Variants in PROSER1 observed in about 807,000 individuals in gnomAD.
The protein encoded by PROSER1 is proline and serine rich 1, also known as proline and serine-rich protein 1.
In PROSER1, 36 loss-of-function variants were observed where a neutral mutation model predicts 71.8. The observed-to-expected ratio is 0.50, with a 90% confidence interval of 0.38 to 0.66. The LOEUF (loss-of-function observed/expected upper bound fraction) is 0.66. Ranked by LOEUF, PROSER1 falls within the 30% of genes least tolerant of loss-of-function variation. PROSER1 has a pLI of 0.00. For missense variants in PROSER1, 1,107 were observed against 1,135.0 expected (o/e 0.98, Z 0.35); for synonymous variants, 490 against 452.4 (o/e 1.08, Z -1.06).
chr13:39,020,855 G>A (rs779371431), intron 9 of PROSER1, among the ~76,000 whole-genome samples: 3 of 152,166 alleles, frequency 2.0e-5, no homozygotes, highest in Non-Finnish European at 2.9e-5. Flanking sequence ...AGGTTGGCCT[G>A]GCAAGTGTTG....
rs555441758 is a variant in PROSER1, at chr13:39,020,385, CCT to C, written c.730+1939_730+1940del. Among the ~76,000 whole-genome samples, 9 of 152,048 alleles carry C rather than the reference CCT, an allele frequency of 5.9e-5. No homozygotes were observed. The South Asian group carries it at 1.9e-3, about 32-fold the overall frequency. ...CTCTCTGTACACACACACACACACC[CCT>C]GTTGTTTTAAGTTGCAGAAAATGAT... On this transcript the variant is annotated intron_variant, in intron 9 of 12. Coordinates refer to ENST00000352251, the MANE Select transcript of PROSER1 (RefSeq NM_025138.5).
At chr13:39,016,575 C>T (rs1397628341) in intron 10 of PROSER1, among the ~76,000 whole-genome samples, 1 of 152,138 alleles carries the variant, frequency 6.6e-6, no homozygotes, top group Admixed American at 6.5e-5. Context: ...CAACAACTAA[C>T]CTGATTACTC....
rs368490081 is a variant in PROSER1, at chr13:39,026,271, G to A, written c.480+6C>T. On this transcript the variant is annotated splice_donor_region_variant and intron_variant, in intron 6 of 12. Coordinates refer to ENST00000352251, the MANE Select transcript of PROSER1 (RefSeq NM_025138.5). Reference sequence around the variant, plus strand: ...GTTTCATATACAGCTACAGAAGTATGCTTACTGGGAAAATTCCATTTATGC... The same window carrying A: ...GTTTCATATACAGCTACAGAAGTATACTTACTGGGAAAATTCCATTTATGC... The A allele has an allele frequency of 3.2e-6, 5 of 1,565,194 alleles. No individual in the cohort carries two copies. In the African/African-American group the frequency reaches 5.4e-5, roughly 17 times the overall value.
At chr13:39,017,006 T>C (rs773964059) in intron 10 of PROSER1, among the ~76,000 whole-genome samples, 1 of 152,256 alleles carries the variant, frequency 6.6e-6, no homozygotes, top group Non-Finnish European at 1.5e-5. Flanking sequence ...GGAGGCACTA[T>C]GTAGGACACA....
rs757767146 is a variant in PROSER1, at chr13:39,013,354, A to G, written c.1898T>C (p.Leu633Ser). The change falls in exon 11 of 13, where the codon TTA (leucine) becomes TCA (serine). Residue 633 changes from leucine (L) to serine (S), a missense_variant. Coordinates refer to ENST00000352251, the MANE Select transcript of PROSER1 (RefSeq NM_025138.5). ...ACGGCCCAATGTCCCTGACAAACCTAAAGTGCCATGAGAGGGATTCCCAGA... is the reference window on the plus strand; with the variant it reads ...ACGGCCCAATGTCCCTGACAAACCTGAAGTGCCATGAGAGGGATTCCCAGA... The part of the protein sequence containing the change: ...SHSGNPSHGT[L>S]GLSGTLGRAY... The G allele has an allele frequency of 2.7e-5, 43 of 1,614,110 alleles. No individual in the cohort carries two copies. In the South Asian group the frequency reaches 3.8e-4, roughly 14 times the overall value.
intron 10 of PROSER1, among the ~76,000 whole-genome samples, chr13:39,016,220 G>T (rs1395442473): frequency 6.6e-6 from 1 of 152,182 alleles, no homozygotes; most frequent in East Asian, 1.9e-4. Context: ...CATCTAATTT[G>T]GTTATTAACC....
intron 9 of PROSER1, among the ~76,000 whole-genome samples, chr13:39,019,049 C>G (rs1453661790): frequency 6.6e-6 from 1 of 152,108 alleles, no homozygotes; most frequent in Non-Finnish European, 1.5e-5. Flanking sequence ...ATTTCTTACA[C>G]GTCATTTTCT....
rs762477554 is a variant in PROSER1 at position 39,012,774 on chromosome 13, T to C, written c.2478A>G (p.Thr826=). The C allele has an allele frequency of 2.5e-6, 4 of 1,614,050 alleles. No individual in the cohort carries two copies. The East Asian group carries it at 8.9e-5, about 36-fold the overall frequency. Residue 826 remains threonine, a synonymous_variant, in exon 11 of 13, where the codon ACA becomes ACG. Coordinates refer to ENST00000352251, the MANE Select transcript of PROSER1 (RefSeq NM_025138.5). ...AAVTPLPVAA[T]APSPAPVLPG... ...GGAGGACTGGAGCTGGGGATGGGGC[T>C]GTGGCAGCCACAGGTAGTGGTGTGA...
chr13:39,014,020 C>T lies in PROSER1; in HGVS notation c.1232G>A (p.Ser411Asn). 2 of 1,614,024 alleles carry T rather than the reference C, an allele frequency of 1.2e-6. No homozygotes were observed. The highest frequency in any genetic ancestry group is 8.5e-7 in the Non-Finnish European group (1 of 1,179,982). ...APFTSLPFST[S>N]SSAASTSNPN... ...GTTGCTGGTAGAAGCAGCAGAAGAG[C>T]TGGTGGAAAAGGGGAGGCTAGTGAA... The change falls in exon 11 of 13, where the codon AGC becomes AAC. Residue 411 changes from serine (S) to asparagine (N), a missense_variant. Transcript: ENST00000352251.
At chr13:39,015,265 C>T (rs997185102) in intron 10 of PROSER1, among the ~76,000 whole-genome samples, 2 of 152,140 alleles carry the variant, frequency 1.3e-5, no homozygotes, top group South Asian at 2.1e-4. Context: ...TTCTGATAAA[C>T]TCTACAAATA....
At chr13:39,024,350 C>G (rs1870441670) in intron 7 of PROSER1, 123 bp downstream of exon 7, 1 of 675,272 alleles carries the variant, frequency 1.5e-6, no homozygotes, top group Non-Finnish European at 2.6e-6. Flanking sequence ...CACTCTCTCA[C>G]TCTCCTACAA....
intron 1 of PROSER1, 148 bp from the exon 2 acceptor site, chr13:39,034,344 T>C (rs1870996971): frequency 5.7e-6 from 3 of 526,702 alleles, no homozygotes; most frequent in Non-Finnish European, 3.3e-6. Context: ...AAGGTCACTG[T>C]GGTGAGAGGC....
rs183490145 is a variant in PROSER1 at position 39,025,717 on chromosome 13, T to C, written c.480+560A>G. ...AAGACCTGAACCAGAACTATCCAGC[T>C]AAGCGTTCCAATATTCCTGACCCAT... On this transcript the variant is annotated intron_variant, in intron 6 of 12. Transcript: ENST00000352251. Among the ~76,000 whole-genome samples, 4 of 152,284 alleles carry C rather than the reference T, an allele frequency of 2.6e-5. No homozygotes were observed. In the East Asian group the frequency reaches 5.8e-4, roughly 22 times the overall value.
intron 10 of PROSER1, among the ~76,000 whole-genome samples, chr13:39,015,693 G>T (rs1024203685): frequency 3.1e-4 from 46 of 146,910 alleles, no homozygotes; most frequent in African/African-American, 1.1e-3. Context: ...AGTTGTTTTA[G>T]AAAAAAAAAA....
Position 39,010,537 on chromosome 13 carries a change from A to T in PROSER1, c.*828T>A, listed in dbSNP as rs1869593377. On this transcript the variant is annotated 3_prime_UTR_variant, in exon 13 of 13. Transcript: ENST00000352251. ...ATATAAGCATTTGACTTAAAGTACA[A>T]ATAGAAATACTACATCCCATAATTG... 2 of 152,786 alleles carry T rather than the reference A, an allele frequency of 1.3e-5. No homozygotes were observed. Among genetic ancestry groups the T allele is most frequent in the Admixed American group, 6.5e-5 (1 of 15,300 alleles). 9.5% of individuals were successfully genotyped at this position (152,786 alleles called of 1,614,324 possible).
Position 39,014,054 on chromosome 13 carries a change from A to C in PROSER1, c.1198T>G (p.Ser400Ala). ...AAGGGGAGGCTAGTGAAAGGTGCAGAAGTAGAAGCAAATGCTTCACTGGAA... is the reference window on the plus strand; with the variant it reads ...AAGGGGAGGCTAGTGAAAGGTGCAGCAGTAGAAGCAAATGCTTCACTGGAA... The part of the protein sequence containing the change: ...LGSSEAFAST[S>A]APFTSLPFST... Residue 400 changes from serine (S) to alanine (A), a missense_variant, in exon 11 of 13, where the codon TCT becomes GCT. Coordinates refer to ENST00000352251, the MANE Select transcript of PROSER1 (RefSeq NM_025138.5). 1.2e-6 allele frequency: 2 copies of C among 1,614,136 alleles called. No homozygotes were observed. The highest frequency in any genetic ancestry group is 1.7e-6 in the Non-Finnish European group (2 of 1,180,010).
chr13:39,011,269 T>G lies in PROSER1; in HGVS notation c.*96A>C. On this transcript the variant is annotated 3_prime_UTR_variant, in exon 13 of 13. Coordinates refer to ENST00000352251, the MANE Select transcript of PROSER1 (RefSeq NM_025138.5). ...TCCAGGATTACCCTCATTCTCATTT[T>G]CCGACTTTTGGCCAGCTTCACATTT... The G allele has an allele frequency of 1.5e-6, 2 of 1,295,074 alleles. No individual in the cohort carries two copies. Among genetic ancestry groups the G allele is most frequent in the African/African-American group, 3.0e-5 (2 of 67,542 alleles). The allele number at this position is 1,295,074 out of a possible 1,614,324, so 80.2% of individuals were successfully genotyped here.
intron 6 of PROSER1, 63 bp downstream of exon 6, chr13:39,026,214 C>T (rs1259695830): frequency 4.8e-6 from 5 of 1,034,830 alleles, no homozygotes; most frequent in Non-Finnish European, 5.9e-6. Context: ...ATATCATTAA[C>T]TTATTCTACA....
intron 9 of PROSER1, chr13:39,017,884 C>T: frequency 4.9e-6 from 1 of 206,158 alleles, no homozygotes; most frequent in Non-Finnish European, 9.5e-6. Flanking sequence ...TGGAAAGATG[C>T]TGGCCTGAGG....
Sources: allele counts gnomAD v4.1 joint callset (sites outside exome capture counted in the v4.1 genomes callset), GRCh38; gene constraint gnomAD v4.1.1; transcripts MANE v1.5; gene names NCBI Gene and HGNC (gene_info 2026-07-23, HGNC 2026-07-21).